INPP4B: variants seen among roughly 807,000 people sequenced by gnomAD.
INPP4B encodes the protein inositol polyphosphate-4-phosphatase type II B.
Under a neutral mutation model 122.5 loss-of-function variants are expected in INPP4B, and 55 were observed. The observed-to-expected ratio is 0.45, with a 90% confidence interval of 0.36 to 0.56. The LOEUF (loss-of-function observed/expected upper bound fraction) is 0.56. INPP4B is among the 20% of genes least tolerant of loss of function. The pLI is 0.00. For missense variants in INPP4B, 1,000 were observed against 1,097.7 expected (o/e 0.91, Z 1.26); for synonymous variants, 403 against 388.7 (o/e 1.04, Z -0.43).
chr4:142,752,006 C>A (rs1316006352), intron 1 of INPP4B, among the ~76,000 whole-genome samples: 1 of 151,994 alleles, frequency 6.6e-6, no homozygotes, highest in Non-Finnish European at 1.5e-5. Flanking sequence ...CACTTAACAT[C>A]TGTGGAACAT....
At chr4:142,141,438 G>A (rs1271634660) in intron 18 of INPP4B, among the ~76,000 whole-genome samples, 1 of 152,116 alleles carries the variant, frequency 6.6e-6, no homozygotes. Context: ...TATACAGACA[G>A]CAGATGCTTA....
intron 2 of INPP4B, among the ~76,000 whole-genome samples, chr4:142,614,010 C>A (rs982279745): frequency 6.6e-6 from 1 of 152,104 alleles, no homozygotes; most frequent in Non-Finnish European, 1.5e-5. Flanking sequence ...GTTATAGGAA[C>A]GGGTAGCAAA....
chr4:142,696,303 G>C (rs553919638), intron 2 of INPP4B, among the ~76,000 whole-genome samples: 1 of 152,254 alleles, frequency 6.6e-6, no homozygotes, highest in Non-Finnish European at 1.5e-5. Flanking sequence ...AAAGCCCCAG[G>C]AGAACTTTCC....
rs112778521 is a variant in INPP4B, at chr4:142,733,539, T to G, written c.-253-7638A>C. Among the ~76,000 whole-genome samples, 8 of 152,262 alleles carry G rather than the reference T, an allele frequency of 5.3e-5. 1 individual carries two copies. Among genetic ancestry groups the G allele is most frequent in the African/African-American group, 1.9e-4 (8 of 41,566 alleles). ...ACATCCTAAAAATCCCTCACCTTTA[T>G]TAGTCTTTTGGAATGCAAGCTAAAA... is the stretch of plus-strand genomic sequence containing the variant. On this transcript the variant is annotated intron_variant, in intron 1 of 25. Transcript: ENST00000262992.
intron 1 of INPP4B, among the ~76,000 whole-genome samples, chr4:142,779,771 G>T (rs1160702831): frequency 6.6e-6 from 1 of 152,084 alleles, no homozygotes; most frequent in African/African-American, 2.4e-5. Flanking sequence ...AGGGAGGAAA[G>T]GAATGAAAGT....
chr4:142,595,545 T>C (rs1330334287), intron 2 of INPP4B, among the ~76,000 whole-genome samples: 2 of 152,194 alleles, frequency 1.3e-5, no homozygotes, highest in East Asian at 1.9e-4. Flanking sequence ...AGAAAACTTA[T>C]TTTATGTTTA....
chr4:142,191,894 A>C (rs1835992765), intron 15 of INPP4B, among the ~76,000 whole-genome samples: 1 of 152,156 alleles, frequency 6.6e-6, no homozygotes, highest in African/African-American at 2.4e-5. Context: ...AAAAAGAAAA[A>C]TATATGTGTA....
chr4:142,354,574 T>C (rs1239738654), intron 7 of INPP4B, among the ~76,000 whole-genome samples: 1 of 151,990 alleles, frequency 6.6e-6, no homozygotes, highest in Non-Finnish European at 1.5e-5. Context: ...TCCAGAGAAT[T>C]CATCTAACAA....
intron 2 of INPP4B, among the ~76,000 whole-genome samples, chr4:142,725,344 G>A (rs1200504521): frequency 6.6e-6 from 1 of 152,040 alleles, no homozygotes; most frequent in Non-Finnish European, 1.5e-5. Context: ...TATTTTGCAT[G>A]AGGGTGTCTT....
At chr4:142,786,841 C>G (rs1185393935) in intron 1 of INPP4B, among the ~76,000 whole-genome samples, 1 of 151,978 alleles carries the variant, frequency 6.6e-6, no homozygotes, top group Non-Finnish European at 1.5e-5. Context: ...ATCCTCAAAA[C>G]TGTCAAAATT....
intron 2 of INPP4B, among the ~76,000 whole-genome samples, chr4:142,539,099 A>T (rs2150022862): frequency 6.7e-6 from 1 of 148,378 alleles, no homozygotes; most frequent in Non-Finnish European, 1.5e-5. Context: ...TATATATATA[A>T]ACAATTTAGG....
Position 142,237,946 on chromosome 4 carries a change from G to A in INPP4B, c.754C>T (p.Arg252Ter), listed in dbSNP as rs1332432216. The A allele has an allele frequency of 1.9e-6, 3 of 1,573,600 alleles. No individual in the cohort carries two copies. The highest frequency in any genetic ancestry group is 1.7e-6 in the Non-Finnish European group (2 of 1,146,418). Residue 252 changes from arginine (R) to a stop codon, truncating the protein, a stop_gained, in exon 12 of 26, where the codon CGA (arginine) becomes TGA (stop). Transcript: ENST00000262992. LOFTEE classifies it high-confidence loss of function. ...PTSDNKWMRI[R>*]EQMSESILSF... ...AGAATGCTCTCTGACATCTGCTCTC[G>A]AATTCGCATCCACTTATTGTCAGAT...
intron 1 of INPP4B, among the ~76,000 whole-genome samples, chr4:142,814,865 T>C (rs1298947751): frequency 2.0e-5 from 3 of 152,146 alleles, no homozygotes; most frequent in Non-Finnish European, 4.4e-5. Context: ...AGTTCCCCCA[T>C]TCCCATTCCT....
intron 2 of INPP4B, among the ~76,000 whole-genome samples, chr4:142,581,067 T>C (rs996168248): frequency 6.6e-6 from 1 of 152,014 alleles, no homozygotes; most frequent in Non-Finnish European, 1.5e-5. Flanking sequence ...GACTTATTTC[T>C]TGAAGGGGCA....
In INPP4B at chr4:142,120,088, T is replaced by C. The variant is rs568518390; in HGVS notation, c.2135+2040A>G. Among the ~76,000 whole-genome samples, 5 of 152,098 alleles carry C rather than the reference T, an allele frequency of 3.3e-5. No individual in the cohort carries two copies. In the South Asian group the frequency reaches 1.0e-3, roughly 32 times the overall value. ...ATAAACCAATTGTCCCAGCATCATT[T>C]TTTGAAAAGATTCTCCATTCTCCAT... On this transcript the variant is annotated intron_variant, in intron 21 of 25. Transcript: ENST00000262992.
At chr4:142,260,273 C>T (rs1006601858) in intron 11 of INPP4B, among the ~76,000 whole-genome samples, 2 of 152,074 alleles carry the variant, frequency 1.3e-5, no homozygotes, top group African/African-American at 2.4e-5. Flanking sequence ...CGTGAGCCAC[C>T]GCGCCTGGCT....
chr4:142,058,857 C>T (rs1578754964), intron 25 of INPP4B, among the ~76,000 whole-genome samples: 1 of 152,016 alleles, frequency 6.6e-6, no homozygotes, highest in African/African-American at 2.4e-5. Flanking sequence ...GTGTTTACAA[C>T]AATTGAGAGG....
chr4:142,737,457 T>C (rs112764509), intron 1 of INPP4B, among the ~76,000 whole-genome samples: 3,439 of 152,110 alleles, frequency 0.023, 58 homozygotes, highest in Middle Eastern at 0.095. Context: ...ATACAAAAAT[T>C]AATTCAAGAT....
chr4:142,610,046 A>T (rs1265331914), intron 2 of INPP4B, among the ~76,000 whole-genome samples: 1 of 152,084 alleles, frequency 6.6e-6, no homozygotes, highest in Non-Finnish European at 1.5e-5. Context: ...TAGTCAATTG[A>T]TATGGCTTGG....
Sources: allele counts gnomAD v4.1 joint callset (sites outside exome capture counted in the v4.1 genomes callset), GRCh38; gene constraint gnomAD v4.1.1; transcripts MANE v1.5; gene names NCBI Gene and HGNC (gene_info 2026-07-23, HGNC 2026-07-21).